ZNF385D: variants seen among roughly 807,000 people sequenced by gnomAD.
ZNF385D encodes zinc finger protein 385D, also known as zinc finger protein 659.
ZNF385D carries 15 observed loss-of-function variants against 35.8 expected under a neutral mutation model. That is an observed-to-expected ratio of 0.42 (90% CI 0.28 to 0.64). The LOEUF (loss-of-function observed/expected upper bound fraction) is 0.64. ZNF385D is among the 30% of genes least tolerant of loss of function. ZNF385D has a pLI of 0.23. For synonymous variants in ZNF385D, 212 were observed against 186.8 expected (o/e 1.13, Z -1.10); for missense variants, 474 against 494.6 (o/e 0.96, Z 0.39).
At chr3:21,823,540 A>G (rs1261579931) in intron 3 of ZNF385D, among the ~76,000 whole-genome samples, 2 of 152,180 alleles carry the variant, frequency 1.3e-5, no homozygotes, top group African/African-American at 4.8e-5. Context: ...TTCATCAGAC[A>G]TTACAGCCTC....
chr3:21,468,201 G>A (rs1169481338), intron 4 of ZNF385D, among the ~76,000 whole-genome samples: 1 of 151,710 alleles, frequency 6.6e-6, no homozygotes, highest in Non-Finnish European at 1.5e-5. Context: ...TCAGAAGTTT[G>A]AGATGAGCCT....
At chr3:22,024,469 G>C (rs1184918880) in intron 3 of ZNF385D, among the ~76,000 whole-genome samples, 3 of 151,936 alleles carry the variant, frequency 2.0e-5, no homozygotes, top group Admixed American at 6.6e-5. Flanking sequence ...TTGGCTGCTT[G>C]ATATGATTAG....
At chr3:22,349,051 C>A (rs1695796351) in intron 2 of ZNF385D, among the ~76,000 whole-genome samples, 1 of 152,168 alleles carries the variant, frequency 6.6e-6, no homozygotes, top group South Asian at 2.1e-4. Context: ...TATAAAATTA[C>A]TCTTCATTTA....
chr3:21,987,290 T>A (rs1414225811), intron 3 of ZNF385D, among the ~76,000 whole-genome samples: 1 of 138,814 alleles, frequency 7.2e-6, no homozygotes, highest in Non-Finnish European at 1.5e-5. Context: ...TTGGCATGAT[T>A]TTGCAGTGGC....
At chr3:22,285,005 G>C (rs1471871425) in intron 2 of ZNF385D, among the ~76,000 whole-genome samples, 3 of 152,056 alleles carry the variant, frequency 2.0e-5, no homozygotes, top group Admixed American at 6.6e-5. Flanking sequence ...GTTACTGAAT[G>C]AATGTTTAGT....
intron 3 of ZNF385D, among the ~76,000 whole-genome samples, chr3:22,029,856 C>T (rs1697820464): frequency 6.6e-6 from 1 of 151,882 alleles, no homozygotes; most frequent in Admixed American, 6.6e-5. Context: ...TTCAAGTTGA[C>T]AAGGGGTGGA....
chr3:21,941,493 T>C (rs1040458066), intron 3 of ZNF385D, among the ~76,000 whole-genome samples: 2 of 7,936 alleles, frequency 2.5e-4, no homozygotes, highest in African/African-American at 1.0e-3. Context: ...CATTACTCTT[T>C]TTTTTTTTTT....
rs1707141971 is a variant in ZNF385D at position 21,510,761 on chromosome 3, A to G, written c.439+100T>C. 2.1e-6 allele frequency: 3 copies of G among 1,452,742 alleles called. No individual in the cohort carries two copies. The Admixed American group carries it at 5.6e-5, about 27-fold the overall frequency. The allele number at this position is 1,452,742 out of a possible 1,614,324, so 90.0% of individuals were successfully genotyped here. On this transcript the variant is annotated intron_variant, in intron 4 of 7. Transcript: ENST00000281523. ...CAGAAAGATGGCTCAAGCATGAATC[A>G]ATATGGCAGGCACATAAGTAAACAG...
At chr3:21,956,929 C>T (rs1702321362) in intron 3 of ZNF385D, among the ~76,000 whole-genome samples, 1 of 151,742 alleles carries the variant, frequency 6.6e-6, no homozygotes. Context: ...TGGCTGTGTC[C>T]CCACCAAAAT....
At chr3:22,279,241 C>G (rs138948189) in intron 2 of ZNF385D, among the ~76,000 whole-genome samples, 2 of 151,800 alleles carry the variant, frequency 1.3e-5, no homozygotes, top group African/African-American at 2.4e-5. Context: ...AATGTGTAGT[C>G]TTTTATCCCT....
intron 3 of ZNF385D, among the ~76,000 whole-genome samples, chr3:21,517,385 C>G (rs933894273): frequency 1.3e-5 from 2 of 152,150 alleles, no homozygotes; most frequent in Admixed American, 1.3e-4. Context: ...AGACTCCCTG[C>G]TGGTGAGAAT....
intron 3 of ZNF385D, among the ~76,000 whole-genome samples, chr3:22,023,073 T>C (rs1371191621): frequency 6.6e-6 from 1 of 152,206 alleles, no homozygotes; most frequent in Admixed American, 6.5e-5. Flanking sequence ...AAGTGTTTCC[T>C]CCCTCCCTGA....
rs187662178 is a variant in ZNF385D, at chr3:21,723,738, C to T, written c.22+27157G>A. On this transcript the variant is annotated intron_variant, in intron 1 of 7. Coordinates refer to ENST00000281523, the MANE Select transcript of ZNF385D (RefSeq NM_024697.3). Reference sequence around the variant, plus strand: ...TGGAAAACACTCTTCAGGATATTATCCAGGAGAACTTCCTCAACCTAGCAA... The same window carrying T: ...TGGAAAACACTCTTCAGGATATTATTCAGGAGAACTTCCTCAACCTAGCAA... Among the ~76,000 whole-genome samples, 942 of 152,210 alleles carry T rather than the reference C, an allele frequency of 6.2e-3. 7 individuals carry two copies. The highest frequency in any genetic ancestry group is 8.4e-3 in the Non-Finnish European group (574 of 68,024).
At chr3:21,938,260 C>A (rs1460320601) in intron 3 of ZNF385D, among the ~76,000 whole-genome samples, 1 of 152,114 alleles carries the variant, frequency 6.6e-6, no homozygotes, top group Admixed American at 6.5e-5. Flanking sequence ...GCACAAGAAC[C>A]CAGAAGAACG....
intron 5 of ZNF385D, among the ~76,000 whole-genome samples, chr3:21,428,543 C>G (rs1701128287): frequency 6.6e-6 from 1 of 152,216 alleles, no homozygotes; most frequent in East Asian, 1.9e-4. Context: ...TTTGAGTCTA[C>G]AATTCTCCTT....
chr3:22,165,733 G>T (rs1400851568), intron 3 of ZNF385D, among the ~76,000 whole-genome samples: 1 of 151,996 alleles, frequency 6.6e-6, no homozygotes, highest in African/African-American at 2.4e-5. Flanking sequence ...TTCTTAGGAG[G>T]AGACCCCAGA....
intron 1 of ZNF385D, among the ~76,000 whole-genome samples, chr3:21,733,631 T>A (rs2069115094): frequency 6.6e-6 from 1 of 152,212 alleles, no homozygotes; most frequent in Non-Finnish European, 1.5e-5. Flanking sequence ...CTTTTGTGAT[T>A]CTGGGTTTGT....
chr3:22,326,740 T>C (rs76190592), intron 2 of ZNF385D, among the ~76,000 whole-genome samples: 4,978 of 152,262 alleles, frequency 0.033, 265 homozygotes, highest in African/African-American at 0.11. Flanking sequence ...AGGGAGTGTA[T>C]TGACCATAAG....
chr3:21,597,188 T>C (rs994949594), intron 2 of ZNF385D, among the ~76,000 whole-genome samples: 1 of 152,138 alleles, frequency 6.6e-6, no homozygotes, highest in African/African-American at 2.4e-5. Flanking sequence ...ATTTACAACC[T>C]AATTAATTAA....
Sources: allele counts gnomAD v4.1 joint callset (sites outside exome capture counted in the v4.1 genomes callset), GRCh38; gene constraint gnomAD v4.1.1; transcripts MANE v1.5; gene names NCBI Gene and HGNC (gene_info 2026-07-23, HGNC 2026-07-21).